Variants in PTPN11 observed in about 807,000 individuals in gnomAD.
PTPN11 encodes tyrosine-protein phosphatase non-receptor type 11.
In PTPN11, 6 loss-of-function variants were observed where a neutral mutation model predicts 78.8. The ratio of observed to expected loss-of-function variants is 0.08; its 90% CI spans 0.04 to 0.15. The LOEUF is 0.15. PTPN11 is among the 10% of genes least tolerant of loss of function. The pLI, the probability that PTPN11 is intolerant of heterozygous loss-of-function variation, is 1.00. For missense variants in PTPN11, 386 were observed against 744.8 expected (o/e 0.52, Z 5.61); for synonymous variants, 221 against 263.5 (o/e 0.84, Z 1.56).
intron 6 of PTPN11, among the ~76,000 whole-genome samples, chr12:112,471,366 C>G (rs1190286833): frequency 6.7e-6 from 1 of 149,996 alleles, no homozygotes; most frequent in African/African-American, 2.4e-5. Flanking sequence ...CCAATTATCC[C>G]TTGAAATTGA....
intron 3 of PTPN11, among the ~76,000 whole-genome samples, chr12:112,452,725 C>T (rs892447109): frequency 1.3e-5 from 2 of 152,034 alleles, no homozygotes; most frequent in African/African-American, 4.8e-5. Flanking sequence ...ATGGGGATTT[C>T]ACTGTGTTGC....
chr12:112,463,856 C>T (rs1020466701), intron 6 of PTPN11, among the ~76,000 whole-genome samples: 3 of 152,138 alleles, frequency 2.0e-5, no homozygotes, highest in Non-Finnish European at 4.4e-5. Flanking sequence ...CTCCTATATA[C>T]CTGCTTCTCA....
chr12:112,488,905 C>A, intron 12 of PTPN11, 119 bp from the exon 13 acceptor site: 1 of 1,373,370 alleles, frequency 7.3e-7, no homozygotes, highest in East Asian at 2.3e-5. Context: ...GCAACATGCT[C>A]AGTTAAAACA....
At chr12:112,449,186 C>T (rs2135859898) in intron 2 of PTPN11, among the ~76,000 whole-genome samples, 1 of 149,946 alleles carries the variant, frequency 6.7e-6, no homozygotes, top group South Asian at 2.2e-4. Flanking sequence ...CATGCCTGGC[C>T]ATCACTTTTT....
At chr12:112,457,413 A>G (rs980327973) in intron 6 of PTPN11, 8 of 211,634 alleles carry the variant, frequency 3.8e-5, no homozygotes, top group Non-Finnish European at 7.8e-5. Flanking sequence ...TATCCGGTCT[A>G]TCATTGATGG....
chr12:112,502,302 T>G, intron 14 of PTPN11, 46 bp downstream of exon 14: 1 of 1,498,448 alleles, frequency 6.7e-7, no homozygotes, highest in Non-Finnish European at 9.3e-7. Flanking sequence ...CATGGTGGTT[T>G]AAAAAGGTTT....
At chr12:112,423,721 A>G (rs899455405) in intron 1 of PTPN11, among the ~76,000 whole-genome samples, 3 of 150,302 alleles carry the variant, frequency 2.0e-5, no homozygotes, top group Non-Finnish European at 4.4e-5. Flanking sequence ...ACATACATGT[A>G]TATACACACA....
rs2135863521 is a variant in PTPN11 at position 112,450,720 on chromosome 12, A to G, written c.332+208A>G. On this transcript the variant is annotated intron_variant, in intron 3 of 15. Coordinates refer to ENST00000351677, the MANE Select transcript of PTPN11 (RefSeq NM_002834.5). ...TCCTGCAAAAGTTTTAATCAGTGTT[A>G]CTTACACTCATCCTATAGGGGTTGC... Among the ~76,000 whole-genome samples the G allele has an allele frequency of 1.3e-5, 2 of 152,338 alleles. 1 individual carries two copies. The highest frequency in any genetic ancestry group is 4.1e-4 in the South Asian group (2 of 4,834).
chr12:112,439,660 G>A (rs894609143), intron 1 of PTPN11, among the ~76,000 whole-genome samples: 6 of 151,908 alleles, frequency 3.9e-5, no homozygotes, highest in African/African-American at 1.4e-4. Flanking sequence ...AGTAGAGACG[G>A]GGTTTCACTA....
At chr12:112,470,655 C>G (rs147896577) in intron 6 of PTPN11, among the ~76,000 whole-genome samples, 8 of 152,148 alleles carry the variant, frequency 5.3e-5, no homozygotes, top group Non-Finnish European at 1.0e-4. Flanking sequence ...ACCGCCCCCC[C>G]ACCTCAGTGA....
At chr12:112,441,215 C>A (rs540422353) in intron 1 of PTPN11, among the ~76,000 whole-genome samples, 1 of 150,956 alleles carries the variant, frequency 6.6e-6, no homozygotes, top group African/African-American at 2.4e-5. Context: ...CCACCTGCCT[C>A]GGCCTCCCAA....
intron 6 of PTPN11, among the ~76,000 whole-genome samples, chr12:112,467,416 A>G (rs1330542641): frequency 6.6e-6 from 1 of 152,154 alleles, no homozygotes; most frequent in Admixed American, 6.5e-5. Context: ...GCTTCCGGTC[A>G]TAGTGGAAGG....
intron 6 of PTPN11, among the ~76,000 whole-genome samples, chr12:112,457,830 T>C (rs1328673327): frequency 6.6e-6 from 1 of 152,224 alleles, no homozygotes; most frequent in African/African-American, 2.4e-5. Flanking sequence ...TCCTCATCCA[T>C]TTGACAGAAA....
intron 6 of PTPN11, among the ~76,000 whole-genome samples, chr12:112,456,890 A>G (rs575492453): frequency 2.2e-4 from 33 of 152,154 alleles, no homozygotes; most frequent in South Asian, 1.5e-3. Context: ...GTTCAAATTG[A>G]TAACTCTGGT....
chr12:112,502,844 CAAG>C (rs1316182498), intron 14 of PTPN11, among the ~76,000 whole-genome samples: 1 of 152,182 alleles, frequency 6.6e-6, no homozygotes, highest in East Asian at 1.9e-4. Context: ...GGTGGTTCTC[CAAG>C]AAGAATCTAA....
intron 1 of PTPN11, among the ~76,000 whole-genome samples, chr12:112,423,232 A>G (rs1352239717): frequency 1.3e-5 from 2 of 152,232 alleles, no homozygotes; most frequent in Admixed American, 6.5e-5. Context: ...AGAGGGAGAC[A>G]GACTTTTATG....
chr12:112,495,112 T>C (rs1216656968), intron 13 of PTPN11, among the ~76,000 whole-genome samples: 1 of 152,244 alleles, frequency 6.6e-6, no homozygotes, highest in African/African-American at 2.4e-5. Flanking sequence ...GAGTTCCTTA[T>C]ACCTTTCATC....
chr12:112,440,440 A>T (rs1297096881), intron 1 of PTPN11, among the ~76,000 whole-genome samples: 1 of 149,048 alleles, frequency 6.7e-6, no homozygotes, highest in Non-Finnish European at 1.5e-5. Context: ...CACCCAGCTA[A>T]TTTTTTTGTA....
intron 1 of PTPN11, among the ~76,000 whole-genome samples, chr12:112,423,099 C>A (rs2037549848): frequency 6.6e-6 from 1 of 152,076 alleles, no homozygotes; most frequent in Non-Finnish European, 1.5e-5. Flanking sequence ...AAAATGCAGC[C>A]CAGTTCATTA....
Sources: gnomAD v4.1 joint callset for allele counts (sites outside exome capture counted in the v4.1 genomes callset) on GRCh38, gnomAD v4.1.1 for gene constraint, MANE v1.5 for transcripts, NCBI Gene and HGNC (gene_info 2026-07-23, HGNC 2026-07-21) for gene names.